The following NPAS3 variants were observed in gnomAD, a reference collection of about 807,000 sequenced individuals.
NPAS3 encodes the protein neuronal PAS domain-containing protein 3.
NPAS3 carries 14 observed loss-of-function variants against 73.1 expected under a neutral mutation model. The ratio of observed to expected loss-of-function variants is 0.19; its 90% confidence interval spans 0.13 to 0.30. NPAS3 has a LOEUF of 0.30. Among genes scored for constraint, NPAS3 ranks in the 10% least tolerant of loss-of-function variants. The pLI is 1.00. For missense variants in NPAS3, 1,096 were observed against 1,250.0 expected, an observed-to-expected ratio of 0.88 and a Z score of 1.86; for synonymous variants, 620 against 541.5, an observed-to-expected ratio of 1.14 and a Z score of -2.01.
chr14:33,722,168 T>C (rs977854351), intron 6 of NPAS3, among the ~76,000 whole-genome samples: 1 of 152,194 alleles, frequency 6.6e-6, no homozygotes, highest in Non-Finnish European at 1.5e-5. Context: ...CATCGAAGTG[T>C]TCATGGTAAA....
chr14:33,600,578 G>A (rs981997285), intron 5 of NPAS3, among the ~76,000 whole-genome samples: 2 of 152,042 alleles, frequency 1.3e-5, no homozygotes, highest in African/African-American at 2.4e-5. Context: ...CCCCCTAATT[G>A]TACAGATTAA....
chr14:33,546,213 A>G (rs1010695424), intron 4 of NPAS3, among the ~76,000 whole-genome samples: 1 of 152,224 alleles, frequency 6.6e-6, no homozygotes, highest in Non-Finnish European at 1.5e-5. Flanking sequence ...AGGCAGAGAT[A>G]TGAAAGAATC....
chr14:33,149,844 G>T (rs996714898), intron 2 of NPAS3, among the ~76,000 whole-genome samples: 1 of 152,086 alleles, frequency 6.6e-6, no homozygotes, highest in African/African-American at 2.4e-5. Context: ...GTGCAGGTTT[G>T]TTACATAGGT....
intron 3 of NPAS3, among the ~76,000 whole-genome samples, chr14:33,265,461 TTAACC>T (rs2049135192): frequency 6.6e-6 from 1 of 152,006 alleles, no homozygotes; most frequent in South Asian, 2.1e-4. Flanking sequence ...GGCTTTGAAC[TTAACC>T]TTTTCTGTGA....
intron 1 of NPAS3, among the ~76,000 whole-genome samples, chr14:32,947,484 C>T (rs532716505): frequency 6.6e-6 from 1 of 152,020 alleles, no homozygotes; most frequent in East Asian, 1.9e-4. Flanking sequence ...CATCAGAATC[C>T]ACTTCTAAAA....
At chr14:33,157,965 G>C (rs1420392662) in intron 2 of NPAS3, among the ~76,000 whole-genome samples, 1 of 152,192 alleles carries the variant, frequency 6.6e-6, no homozygotes, top group Non-Finnish European at 1.5e-5. Flanking sequence ...TTAGTGTTTG[G>C]TAAATGTTGG....
chr14:33,083,056 GC>G (rs1274970873), intron 2 of NPAS3, among the ~76,000 whole-genome samples: 1 of 151,686 alleles, frequency 6.6e-6, no homozygotes, highest in African/African-American at 2.4e-5. Flanking sequence ...GGGGGCGTGT[GC>G]CTGTAGTCCC....
chr14:33,728,825 C>T (rs2061335120), intron 6 of NPAS3, among the ~76,000 whole-genome samples: 1 of 152,192 alleles, frequency 6.6e-6, no homozygotes. Flanking sequence ...CAAAAGAACA[C>T]TTTGCAGAAA....
chr14:33,109,220 G>A (rs1039250247), intron 2 of NPAS3, among the ~76,000 whole-genome samples: 2 of 152,176 alleles, frequency 1.3e-5, no homozygotes, highest in African/African-American at 4.8e-5. Context: ...TTAGAATACA[G>A]TGTCAAATTC....
intron 1 of NPAS3, among the ~76,000 whole-genome samples, chr14:33,037,504 A>C (rs1303035172): frequency 1.3e-5 from 2 of 151,532 alleles, no homozygotes; most frequent in South Asian, 4.2e-4. Flanking sequence ...AGAAAAAAGA[A>C]AAAAAGAAAA....
intron 2 of NPAS3, among the ~76,000 whole-genome samples, chr14:33,205,420 A>AT (rs2046786100): frequency 1.3e-5 from 2 of 152,192 alleles, no homozygotes; most frequent in Admixed American, 1.3e-4. Flanking sequence ...ATAAGTTAGC[A>AT]TGGGCCTAAA....
intron 9 of NPAS3, among the ~76,000 whole-genome samples, chr14:33,787,645 A>G (rs1425339223): frequency 2.6e-5 from 4 of 151,832 alleles, no homozygotes; most frequent in African/African-American, 2.4e-5. Context: ...GATGCCTGCT[A>G]TTTAAGACAT....
In NPAS3 at chr14:33,516,116, G is replaced by A. The variant is rs1595067452; in HGVS notation, c.469-44005G>A. ...TTTATAAAGCCCATTTTACAGATGA[G>A]TAAACTAAATTAAGCACCTTTGCCT... On this transcript the variant is annotated intron_variant, in intron 4 of 11. Coordinates refer to ENST00000356141, the Ensembl canonical transcript of NPAS3. Among the ~76,000 whole-genome samples the A allele has an allele frequency of 2.6e-5, 4 of 151,904 alleles. No individual in the cohort carries two copies. In the South Asian group the frequency reaches 6.2e-4, roughly 24 times the overall value.
At chr14:33,578,156 T>C (rs4346123) in intron 5 of NPAS3, 126,800 of 455,710 alleles carry the variant, frequency 0.28, 18,907 homozygotes, top group East Asian at 0.44. Context: ...TTTGCCTCCT[T>C]CTCTCTTCAG....
chr14:33,637,723 C>G (rs557163666), intron 5 of NPAS3, among the ~76,000 whole-genome samples: 2 of 152,280 alleles, frequency 1.3e-5, no homozygotes, highest in East Asian at 3.9e-4. Context: ...TACTCATGAA[C>G]AGCTACAGTT....
At chr14:33,511,550 G>A (rs536000643) in intron 4 of NPAS3, among the ~76,000 whole-genome samples, 17 of 152,112 alleles carry the variant, frequency 1.1e-4, no homozygotes, top group South Asian at 8.3e-4. Flanking sequence ...GCATGTGGCC[G>A]CGCTGTTGTA....
chr14:33,499,853 C>CTCTGGCAGCCT (rs1451734166), intron 4 of NPAS3, among the ~76,000 whole-genome samples: 1 of 151,934 alleles, frequency 6.6e-6, no homozygotes, highest in Non-Finnish European at 1.5e-5. Context: ...AACTGTTTAT[C>CTCTGGCAGCCT]TCTGGCAGCC....
chr14:33,031,724 C>T (rs373243763), intron 1 of NPAS3, among the ~76,000 whole-genome samples: 10 of 152,178 alleles, frequency 6.6e-5, no homozygotes, highest in Non-Finnish European at 1.0e-4. Context: ...CTTGGGTTCC[C>T]GAAGTTCCCA....
chr14:33,496,867 A>G (rs186602467), intron 4 of NPAS3, among the ~76,000 whole-genome samples: 1 of 152,278 alleles, frequency 6.6e-6, no homozygotes, highest in Admixed American at 6.5e-5. Flanking sequence ...AGGCAAGAGA[A>G]AGAAAGAAAG....
Sources: gnomAD v4.1 joint callset for allele counts (sites outside exome capture counted in the v4.1 genomes callset) on GRCh38, gnomAD v4.1.1 for gene constraint, MANE v1.5 for transcripts, NCBI Gene and HGNC (gene_info 2026-07-23, HGNC 2026-07-21) for gene names.